Variants in PIBF1 observed in about 807,000 individuals in gnomAD.
PIBF1 encodes the protein progesterone-induced-blocking factor 1.
A neutral mutation model predicts 112.5 loss-of-function variants in PIBF1; 90 were observed. The observed-to-expected ratio is 0.80, with a 90% CI of 0.67 to 0.95. The LOEUF is 0.95. PIBF1 is among the 40% of genes least tolerant of loss of function. The probability of loss-of-function intolerance (pLI) is 0.00; values close to 1 mark genes in which losing one functional copy is unlikely to be tolerated. For missense variants in PIBF1, 915 were observed against 852.3 expected (o/e 1.07, Z -0.92); for synonymous variants, 301 against 288.6 (o/e 1.04, Z -0.44).
chr13:72,917,103 T>C lies in PIBF1; in HGVS notation c.1667T>C (p.Val556Ala), dbSNP rs368330488. 4 of 1,597,218 alleles carry C rather than the reference T, an allele frequency of 2.5e-6. No individual in the cohort carries two copies. The highest frequency in any genetic ancestry group is 3.4e-6 in the Non-Finnish European group (4 of 1,171,564). Residue 556 changes from valine to alanine, a missense_variant, in exon 13 of 18, where the codon GTT becomes GCT. Physicochemically the swap from Val to Ala is moderately conservative, Grantham distance 64. Transcript: ENST00000326291. The stretch of plus-strand genomic sequence containing the variant: ...GAAAATGAAGATGAGGCTGAAAGGG[T>C]TCTTTTTTCCTACGGCTATGGTGCT... ...EIENEDEAERVLFSYGYGANV... is the reference protein window; with the variant it reads ...EIENEDEAERALFSYGYGANV...
chr13:72,796,863 A>G (rs2035223828), intron 4 of PIBF1, among the ~76,000 whole-genome samples: 1 of 152,128 alleles, frequency 6.6e-6, no homozygotes, highest in Non-Finnish European at 1.5e-5. Flanking sequence ...ATCCTTAACT[A>G]ATTAATTATA....
chr13:73,001,287 T>G (rs1314104101), intron 17 of PIBF1, among the ~76,000 whole-genome samples: 1 of 152,216 alleles, frequency 6.6e-6, no homozygotes, highest in Non-Finnish European at 1.5e-5. Context: ...TTTTATATTT[T>G]CTCTGAACTT....
chr13:72,803,402 TA>T (rs1460281832), intron 5 of PIBF1, among the ~76,000 whole-genome samples: 2 of 152,180 alleles, frequency 1.3e-5, no homozygotes, highest in Non-Finnish European at 2.9e-5. Flanking sequence ...TACTGTTGGA[TA>T]CCCAGTTATA....
At chr13:72,898,242 A>C (rs1224480051) in intron 11 of PIBF1, among the ~76,000 whole-genome samples, 1 of 152,126 alleles carries the variant, frequency 6.6e-6, no homozygotes, top group African/African-American at 2.4e-5. Context: ...CAAGATGGAA[A>C]TTTAAAAATT....
At chr13:72,969,522 T>A (rs2042835607) in intron 15 of PIBF1, 1 of 152,216 alleles carries the variant, frequency 6.6e-6, no homozygotes, top group Admixed American at 6.5e-5. Flanking sequence ...GTAGTTTAAT[T>A]ACAACACTTG....
intron 17 of PIBF1, among the ~76,000 whole-genome samples, chr13:73,010,810 CTTTTTTT>C (rs1176079981): frequency 5.0e-3 from 201 of 40,316 alleles, no homozygotes; most frequent in African/African-American, 0.018. Context: ...ATTAACTTTT[CTTTTTTT>C]TTTTTTTTTT....
intron 10 of PIBF1, among the ~76,000 whole-genome samples, chr13:72,858,035 G>T (rs1030477263): frequency 1.4e-5 from 2 of 145,678 alleles, no homozygotes; most frequent in African/African-American, 5.1e-5. Flanking sequence ...GTGTGTGTGT[G>T]TGTGTGTGTG....
chr13:72,876,902 T>TTTTTC (rs1433547349), intron 10 of PIBF1, among the ~76,000 whole-genome samples: 8 of 152,172 alleles, frequency 5.3e-5, no homozygotes, highest in Non-Finnish European at 8.8e-5. Context: ...ATCTATATAC[T>TTTTTC]TTTTCTTTTC....
intron 15 of PIBF1, among the ~76,000 whole-genome samples, chr13:72,966,688 C>A (rs1404234666): frequency 6.6e-6 from 1 of 152,050 alleles, no homozygotes; most frequent in African/African-American, 2.4e-5. Flanking sequence ...GCAGGCAGAT[C>A]ACCTGAGGTC....
intron 8 of PIBF1, among the ~76,000 whole-genome samples, chr13:72,832,518 C>T (rs560900960): frequency 6.6e-6 from 1 of 152,232 alleles, no homozygotes; most frequent in South Asian, 2.1e-4. Context: ...TTCTCCTTTG[C>T]TTACAAAGCT....
chr13:72,985,344 G>A lies in PIBF1; in HGVS notation c.2049+11669G>A, dbSNP rs572356469. Among the ~76,000 whole-genome samples, 40 of 144,184 alleles carry A rather than the reference G, an allele frequency of 2.8e-4. No individual in the cohort carries two copies. The East Asian group carries it at 3.3e-3, about 12-fold the overall frequency. 94.6% of individuals were successfully genotyped at this position (144,184 alleles called of 152,430 possible). On this transcript the variant is annotated intron_variant, in intron 16 of 17. Coordinates refer to ENST00000326291, the MANE Select transcript of PIBF1 (RefSeq NM_006346.4). ...AGATCAAGACCATCCTGGCTAACAC[G>A]GTGAAACCCTGTCTCTACTAAAAAT... is the stretch of plus-strand genomic sequence containing the variant.
intron 13 of PIBF1, among the ~76,000 whole-genome samples, chr13:72,930,598 G>A (rs1185891184): frequency 6.6e-6 from 1 of 152,102 alleles, no homozygotes; most frequent in Non-Finnish European, 1.5e-5. Flanking sequence ...GAGCATCAGA[G>A]GGAGTGATTT....
intron 10 of PIBF1, among the ~76,000 whole-genome samples, chr13:72,871,525 T>C (rs9573049): frequency 0.74 from 113,123 of 152,028 alleles, 42,472 homozygotes; most frequent in African/African-American, 0.82. Context: ...AGGCTGGTCT[T>C]GAACTCCTGA....
chr13:72,860,309 GTGTGTGTGT>G (rs1566370242), intron 10 of PIBF1, among the ~76,000 whole-genome samples: 1 of 18,886 alleles, frequency 5.3e-5, no homozygotes. Flanking sequence ...TTTTTTAGGG[GTGTGTGTGT>G]GTGTGTGTGT....
At chr13:73,015,821 C>T in intron 17 of PIBF1, 48 bp from the exon 18 acceptor site, 7 of 1,191,886 alleles carry the variant, frequency 5.9e-6, no homozygotes, top group South Asian at 2.8e-5. Context: ...CCTCTCTTGT[C>T]CTCCTTGTAA....
chr13:72,806,833 A>C (rs1256645545), intron 5 of PIBF1, among the ~76,000 whole-genome samples: 1 of 152,132 alleles, frequency 6.6e-6, no homozygotes, highest in Non-Finnish European at 1.5e-5. Flanking sequence ...ACATGTGTGC[A>C]TGTTTTTATA....
intron 9 of PIBF1, among the ~76,000 whole-genome samples, chr13:72,843,161 A>G (rs1222405246): frequency 2.0e-5 from 3 of 152,240 alleles, no homozygotes; most frequent in Non-Finnish European, 2.9e-5. Context: ...CTCATTTTTT[A>G]TAACTACGGT....
At chr13:72,785,170 AG>A (rs1229239543) in intron 2 of PIBF1, among the ~76,000 whole-genome samples, 6 of 152,068 alleles carry the variant, frequency 3.9e-5, no homozygotes, top group Admixed American at 2.6e-4. Context: ...ACAAATTTTG[AG>A]GGGAGAAAAA....
chr13:72,921,160 T>A (rs1365723738), intron 13 of PIBF1, among the ~76,000 whole-genome samples: 2 of 152,162 alleles, frequency 1.3e-5, no homozygotes, highest in African/African-American at 4.8e-5. Flanking sequence ...TGGAGTGCAG[T>A]GGCATGATCT....
Sources: gnomAD v4.1 joint callset for allele counts (sites outside exome capture counted in the v4.1 genomes callset) on GRCh38, gnomAD v4.1.1 for gene constraint, MANE v1.5 for transcripts, NCBI Gene and HGNC (gene_info 2026-07-23, HGNC 2026-07-21) for gene names.